SGCD: variants seen among roughly 807,000 people sequenced by gnomAD.
SGCD encodes the protein delta-sarcoglycan.
Under a neutral mutation model 36.6 loss-of-function variants are expected in SGCD, and 18 were observed. The observed-to-expected ratio is 0.49, with a 90% CI of 0.34 to 0.73. The LOEUF is 0.73. SGCD is among the 30% of genes least tolerant of loss of function. The pLI, the probability that SGCD is intolerant of heterozygous loss-of-function variation, is 0.01. For synonymous variants in SGCD, 133 were observed against 130.6 expected (o/e 1.02, Z -0.12); for missense variants, 387 against 346.7 (o/e 1.12, Z -0.92).
chr5:156,541,994 A>T (rs995807657), intron 4 of SGCD, among the ~76,000 whole-genome samples: 2 of 152,166 alleles, frequency 1.3e-5, no homozygotes, highest in Non-Finnish European at 2.9e-5. Context: ...CATCTGTTGA[A>T]TGTTCATTAT....
intron 4 of SGCD, among the ~76,000 whole-genome samples, chr5:156,542,143 A>G (rs1237720026): frequency 6.6e-6 from 1 of 152,202 alleles, no homozygotes; most frequent in Non-Finnish European, 1.5e-5. Flanking sequence ...AGTTAGGGGA[A>G]AAAGGAAGAT....
chr5:156,009,401 T>A (rs1411315739), intron 1 of SGCD, among the ~76,000 whole-genome samples: 1 of 152,166 alleles, frequency 6.6e-6, no homozygotes, highest in Non-Finnish European at 1.5e-5. Context: ...CTGGTCAAGA[T>A]CTTGGCCAAG....
intron 3 of SGCD, among the ~76,000 whole-genome samples, chr5:156,314,276 A>C (rs1341026305): frequency 6.6e-6 from 1 of 152,078 alleles, no homozygotes; most frequent in Non-Finnish European, 1.5e-5. Context: ...TGTCTTGTGA[A>C]ACTTAGTCTA....
At chr5:155,947,808 G>A (rs1318524852) in intron 1 of SGCD, among the ~76,000 whole-genome samples, 1 of 152,072 alleles carries the variant, frequency 6.6e-6, no homozygotes, top group Non-Finnish European at 1.5e-5. Context: ...CTGATTTAGT[G>A]ACTCAGCAGA....
At chr5:156,522,550 G>A (rs1325112415) in intron 4 of SGCD, among the ~76,000 whole-genome samples, 3 of 152,036 alleles carry the variant, frequency 2.0e-5, no homozygotes, top group East Asian at 1.9e-4. Context: ...TATGGACACG[G>A]GGAGAGGAAC....
At chr5:155,995,982 A>G (rs1461749453) in intron 1 of SGCD, among the ~76,000 whole-genome samples, 1 of 130,546 alleles carries the variant, frequency 7.7e-6, no homozygotes, top group African/African-American at 3.4e-5. Flanking sequence ...ACATCAGACC[A>G]CACCAAAAAA....
chr5:155,850,045 T>C, the SGCD span, among the ~76,000 whole-genome samples: 1 of 152,224 alleles, frequency 6.6e-6, no homozygotes, highest in Non-Finnish European at 1.5e-5. Flanking sequence ...TTGCTGTTTG[T>C]TTAATTGGTT....
At chr5:156,393,807 T>G (rs1771711558) in intron 3 of SGCD, 1 of 456,196 alleles carries the variant, frequency 2.2e-6, no homozygotes, top group African/African-American at 2.0e-5. Context: ...TGGAATGAGC[T>G]GAGAGGAGCC....
At chr5:156,698,043 A>C (rs1160480199) in intron 7 of SGCD, among the ~76,000 whole-genome samples, 2 of 152,160 alleles carry the variant, frequency 1.3e-5, no homozygotes, top group Non-Finnish European at 2.9e-5. Flanking sequence ...ATAGTGGCTC[A>C]TCCACATTTG....
At chr5:156,412,787 C>CTTTTTTTTTTTTTTTTTTTT (rs35464853) in intron 3 of SGCD, among the ~76,000 whole-genome samples, 2 of 105,032 alleles carry the variant, frequency 1.9e-5, no homozygotes, top group African/African-American at 7.9e-5. Context: ...AGGGTTGGTT[C>CTTTTTTTTTTTTTTTTTTTT]TTTTTTTTTT....
At chr5:156,727,974 G>C (rs1755861612) in intron 7 of SGCD, among the ~76,000 whole-genome samples, 1 of 152,146 alleles carries the variant, frequency 6.6e-6, no homozygotes, top group Non-Finnish European at 1.5e-5. Flanking sequence ...AAATAGCAAA[G>C]TGTGCTGGAC....
At chr5:156,519,765 A>G (rs996060794) in intron 4 of SGCD, among the ~76,000 whole-genome samples, 1 of 152,198 alleles carries the variant, frequency 6.6e-6, no homozygotes, top group Non-Finnish European at 1.5e-5. Flanking sequence ...GACAAAAACC[A>G]CATGATTATC....
chr5:155,913,414 C>T (rs774362598), intron 1 of SGCD, among the ~76,000 whole-genome samples: 18 of 152,082 alleles, frequency 1.2e-4, no homozygotes, highest in African/African-American at 3.9e-4. Flanking sequence ...CAACTTTAGA[C>T]CAGGTTCCTA....
At position 156,206,547 on chromosome 5, in the gene SGCD, G is replaced by A. The variant is rs1341975441; in HGVS notation, c.-44+82528G>A. ...GTTGTGAAGCTCTTAAATGTGGCCA[G>A]TCTGATCAATAAGAAATGTAAACTT... On this transcript the variant is annotated intron_variant, in intron 3 of 9. Transcript: ENST00000517913. Among the ~76,000 whole-genome samples, 11 of 152,038 alleles carry A rather than the reference G, an allele frequency of 7.2e-5. 1 individual carries two copies. The highest frequency in any genetic ancestry group is 7.2e-4 in the Admixed American group (11 of 15,250).
intron 1 of SGCD, among the ~76,000 whole-genome samples, chr5:156,038,996 A>G (rs999083547): frequency 2.0e-5 from 3 of 152,194 alleles, no homozygotes; most frequent in Admixed American, 2.0e-4. Flanking sequence ...CAATTCAGAC[A>G]TCCTCATCTT....
At chr5:156,356,707 TGTGA>T (rs1169535868) in intron 3 of SGCD, among the ~76,000 whole-genome samples, 1 of 152,198 alleles carries the variant, frequency 6.6e-6, no homozygotes, top group Non-Finnish European at 1.5e-5. Flanking sequence ...CCTTGGAGCC[TGTGA>T]GTGTTACCTT....
chr5:156,684,703 A>T (rs1409674426), intron 7 of SGCD, among the ~76,000 whole-genome samples: 1 of 152,236 alleles, frequency 6.6e-6, no homozygotes, highest in African/African-American at 2.4e-5. Context: ...AGACCAGGAC[A>T]GTCTACATTT....
the SGCD span, among the ~76,000 whole-genome samples, chr5:155,772,473 G>T: frequency 6.6e-6 from 1 of 152,142 alleles, no homozygotes; most frequent in African/African-American, 2.4e-5. Context: ...ACTTCATCAG[G>T]CAGAGACAGG....
intron 1 of SGCD, among the ~76,000 whole-genome samples, chr5:156,016,077 T>C (rs1758971304): frequency 6.6e-6 from 1 of 152,112 alleles, no homozygotes; most frequent in South Asian, 2.1e-4. Context: ...ATCTCCCTTC[T>C]TTCACAGTGA....
Sources: gnomAD v4.1 joint callset for allele counts (sites outside exome capture counted in the v4.1 genomes callset) on GRCh38, gnomAD v4.1.1 for gene constraint, MANE v1.5 for transcripts, NCBI Gene and HGNC (gene_info 2026-07-23, HGNC 2026-07-21) for gene names.